The following KCNJ2 variants were observed in gnomAD, a reference collection of about 807,000 sequenced individuals.
KCNJ2 encodes the protein inward rectifier potassium channel 2.
In KCNJ2, 12 loss-of-function variants were observed where a neutral mutation model predicts 28.4. That is an observed-to-expected ratio of 0.42 (90% CI 0.27 to 0.68). The LOEUF is 0.68. Ranked by LOEUF, KCNJ2 falls within the 30% of genes least tolerant of loss-of-function variation. The pLI is 0.23. For missense variants in KCNJ2, 320 were observed against 551.3 expected (o/e 0.58, Z 4.20); for synonymous variants, 200 against 203.2 (o/e 0.98, Z 0.13).
chr17:70,175,154 A>G lies in KCNJ2; in HGVS notation c.115A>G (p.Thr39Ala). Residue 39 changes from threonine to alanine, a missense_variant, in exon 2 of 2, where the codon ACC (threonine) becomes GCC (alanine). Thr to Ala is a moderately conservative substitution (Grantham distance 58). Coordinates refer to ENST00000243457, the MANE Select transcript of KCNJ2 (RefSeq NM_000891.3). This position sits in a 1 kb window ranked among gnomAD's most constrained non-coding sequence, Gnocchi z 8.3. ...GFGNGKSKVH[T>A]RQQCRSRFVK... is the part of the protein sequence containing the mutation. ...TGGGAACGGGAAGAGTAAAGTCCAC[A>G]CCCGACAACAGTGCAGGAGCCGCTT... The G allele has an allele frequency of 6.2e-7, 1 of 1,614,134 alleles. No individual in the cohort carries two copies. Among genetic ancestry groups the G allele is most frequent in the Non-Finnish European group, 8.5e-7 (1 of 1,180,030 alleles).
In KCNJ2 at chr17:70,176,290, G is replaced by A; in HGVS notation, c.1251G>A (p.Glu417=). The A allele has an allele frequency of 1.9e-6, 3 of 1,614,122 alleles. 1 individual carries two copies. Among genetic ancestry groups the A allele is most frequent in the South Asian group, 2.2e-5 (2 of 91,090 alleles). ...ACAACCAGGCAAGTGTACCTCTAGAGCCCAGGCCCTTACGGCGAGAGTCGG... is the reference window on the plus strand; with the variant it reads ...ACAACCAGGCAAGTGTACCTCTAGAACCCAGGCCCTTACGGCGAGAGTCGG... ...DLHNQASVPL[E]PRPLRRESEI Residue 417 remains glutamate (E), a synonymous_variant, in exon 2 of 2, where the codon GAG becomes GAA. Coordinates refer to ENST00000243457, the MANE Select transcript of KCNJ2 (RefSeq NM_000891.3).
In KCNJ2 at chr17:70,178,151, A is replaced by G. The variant is rs1410784454; in HGVS notation, c.*1828A>G. 2.4e-5 allele frequency: 4 copies of G among 166,908 alleles called. No individual in the cohort carries two copies. Among genetic ancestry groups the G allele is most frequent in the African/African-American group, 9.7e-5 (4 of 41,404 alleles). 10.3% of individuals were successfully genotyped at this position (166,908 alleles called of 1,614,324 possible). ...TATTATATCTCTGTATGCCATTAAA[A>G]AACAGCTTGTTCTAGAATCATGTAT... is the stretch of plus-strand genomic sequence containing the variant. On this transcript the variant is annotated 3_prime_UTR_variant, in exon 2 of 2. Coordinates refer to ENST00000243457, the MANE Select transcript of KCNJ2 (RefSeq NM_000891.3).
At position 70,174,996 on chromosome 17, in the gene KCNJ2, G is replaced by T. The variant is rs746315186; in HGVS notation, c.-44G>T. On this transcript the variant is annotated 5_prime_UTR_variant, in exon 2 of 2. Coordinates refer to ENST00000243457, the MANE Select transcript of KCNJ2 (RefSeq NM_000891.3). Reference sequence around the variant, plus strand: ...CTCCAAAGCGTTTTGCAAAAACTCAGACTGTTTTCCAAAGCAGAAGCACTG... The same window carrying T: ...CTCCAAAGCGTTTTGCAAAAACTCATACTGTTTTCCAAAGCAGAAGCACTG... 10 of 1,603,690 alleles carry T rather than the reference G, an allele frequency of 6.2e-6. No individual in the cohort carries two copies. The Admixed American group carries it at 1.5e-4, about 24-fold the overall frequency.
At chr17:70,170,144 G>C (rs1471195961) in intron 1 of KCNJ2, among the ~76,000 whole-genome samples, 1 of 151,432 alleles carries the variant, frequency 6.6e-6, no homozygotes, top group Non-Finnish European at 1.5e-5. Context: ...TTGGGACTCA[G>C]CACTATTCTT....
intron 1 of KCNJ2, among the ~76,000 whole-genome samples, chr17:70,172,793 TCTC>T (rs2074372103): frequency 6.6e-6 from 1 of 152,212 alleles, no homozygotes; most frequent in Non-Finnish European, 1.5e-5. Context: ...ATGAAGTTCT[TCTC>T]CTTTTTTTGA....
intron 1 of KCNJ2, among the ~76,000 whole-genome samples, chr17:70,174,332 G>A (rs955170597): frequency 4.6e-5 from 7 of 152,148 alleles, no homozygotes; most frequent in Non-Finnish European, 7.3e-5. Context: ...TGCCATCAGG[G>A]ACTCTAATAT....
Position 70,176,340 on chromosome 17 carries a change from C to T in KCNJ2, c.*17C>T, listed in dbSNP as rs948297602. ...GAGATATGACTGACTGATTCCTTCT[C>T]TGGAATAGTTACTTTACAACACGGT... On this transcript the variant is annotated 3_prime_UTR_variant, in exon 2 of 2. Transcript: ENST00000243457. 4 of 1,607,340 alleles carry T rather than the reference C, an allele frequency of 2.5e-6. No individual in the cohort carries two copies. The highest frequency in any genetic ancestry group is 3.4e-6 in the Non-Finnish European group (4 of 1,173,814).
At position 70,179,409 on chromosome 17, in the gene KCNJ2, A is replaced by G. The variant is rs373948055; in HGVS notation, c.*3086A>G. On this transcript the variant is annotated 3_prime_UTR_variant, in exon 2 of 2. Transcript: ENST00000243457. ...TATCCTATTTTTAAACAAAATGTAG[A>G]CAAAGTGAACTCTATTTTGATTATT... The G allele has an allele frequency of 1.2e-5, 2 of 166,948 alleles. No homozygotes were observed. Among genetic ancestry groups the G allele is most frequent in the South Asian group, 2.1e-4 (1 of 4,832 alleles). 10.3% of individuals were successfully genotyped at this position (166,948 alleles called of 1,614,324 possible).
rs117417638 is a variant in KCNJ2 at position 70,172,043 on chromosome 17, C to T, written c.-217+2342C>T. Among the ~76,000 whole-genome samples, 185 of 151,824 alleles carry T rather than the reference C, an allele frequency of 1.2e-3. No homozygotes were observed. The East Asian group carries it at 0.016, about 13-fold the overall frequency. ...AATGATAGCTTTTCTCAGCTGCTCA[C>T]GAATTGGTAATTGCTAGTGAGAGGA... is the stretch of plus-strand genomic sequence containing the variant. On this transcript the variant is annotated intron_variant, in intron 1 of 1. Coordinates refer to ENST00000243457, the MANE Select transcript of KCNJ2 (RefSeq NM_000891.3).
rs776522922 is a variant in KCNJ2 at position 70,176,343 on chromosome 17, G to C, written c.*20G>C. 5 of 1,608,386 alleles carry C rather than the reference G, an allele frequency of 3.1e-6. No homozygotes were observed. Among genetic ancestry groups the C allele is most frequent in the Non-Finnish European group, 4.3e-6 (5 of 1,174,876 alleles). On this transcript the variant is annotated 3_prime_UTR_variant, in exon 2 of 2. Transcript: ENST00000243457. ...ATATGACTGACTGATTCCTTCTCTG[G>C]AATAGTTACTTTACAACACGGTCTG...
chr17:70,170,310 C>T (rs2074358542), intron 1 of KCNJ2, among the ~76,000 whole-genome samples: 1 of 152,148 alleles, frequency 6.6e-6, no homozygotes, highest in Non-Finnish European at 1.5e-5. Flanking sequence ...ACATATCACT[C>T]TCCCCTAACC....
rs786205818 is a variant in KCNJ2, at chr17:70,175,940, A to G, written c.901A>G (p.Met301Val). 6.2e-7 allele frequency: 1 copy of G among 1,614,168 alleles called. No individual in the cohort carries two copies. The highest frequency in any genetic ancestry group is 8.5e-7 in the Non-Finnish European group (1 of 1,180,034). The stretch of plus-strand genomic sequence containing the variant: ...TGAAATCGTGGTCATACTGGAAGGC[A>G]TGGTGGAAGCCACTGCCATGACGAC... ...DFEIVVILEG[M>V]VEATAMTTQC... Residue 301 changes from methionine (M) to valine (V), a missense_variant, in exon 2 of 2, where the codon ATG (methionine) becomes GTG (valine). Coordinates refer to ENST00000243457, the MANE Select transcript of KCNJ2 (RefSeq NM_000891.3). The surrounding 1 kb of genome is among the most constrained non-coding windows in gnomAD (Gnocchi z 8.3).
rs886053324 is a variant in KCNJ2, at chr17:70,176,445, G to A, written c.*122G>A. 29 of 839,200 alleles carry A rather than the reference G, an allele frequency of 3.5e-5. No individual in the cohort carries two copies. The highest frequency in any genetic ancestry group is 4.9e-5 in the Non-Finnish European group (24 of 489,958). 52.0% of individuals were successfully genotyped at this position (839,200 alleles called of 1,614,324 possible). The stretch of plus-strand genomic sequence containing the variant: ...GTCAAGCAAGCGGCCACAAGGGACT[G>A]AGGCAAGCACAATGGTTTCAAAGAA... On this transcript the variant is annotated 3_prime_UTR_variant, in exon 2 of 2. Coordinates refer to ENST00000243457, the MANE Select transcript of KCNJ2 (RefSeq NM_000891.3).
intron 1 of KCNJ2, among the ~76,000 whole-genome samples, chr17:70,172,389 A>G (rs146755108): frequency 2.0e-5 from 3 of 151,974 alleles, no homozygotes; most frequent in African/African-American, 7.2e-5. Flanking sequence ...AAATTTCTAA[A>G]TGATGCTCCA....
chr17:70,169,932 G>A (rs2074355803), intron 1 of KCNJ2, among the ~76,000 whole-genome samples: 1 of 152,176 alleles, frequency 6.6e-6, no homozygotes, highest in Admixed American at 6.5e-5. Context: ...TGGAACAGTT[G>A]AGCAATAGAA....
Position 70,176,203 on chromosome 17 carries a change from C to T in KCNJ2, c.1164C>T (p.Asp388=), listed in dbSNP as rs150855087. ...NEVALTSKEE[D]DSENGVPEST... ...TTGCCCTCACAAGCAAAGAGGAAGA[C>T]GACAGTGAAAATGGAGTTCCAGAAA... The change falls in exon 2 of 2, where the codon GAC becomes GAT. Residue 388 remains aspartate (D), a synonymous_variant. Transcript: ENST00000243457. The T allele has an allele frequency of 2.0e-5, 32 of 1,613,772 alleles. No individual in the cohort carries two copies. The highest frequency in any genetic ancestry group is 1.6e-4 in the Middle Eastern group (1 of 6,084).
intron 1 of KCNJ2, among the ~76,000 whole-genome samples, chr17:70,173,562 T>G (rs1305411776): frequency 1.3e-5 from 2 of 152,212 alleles, no homozygotes; most frequent in Non-Finnish European, 2.9e-5. Context: ...GGGAAATAGT[T>G]TCTTAGGAGT....
Position 70,175,246 on chromosome 17 carries a change from C to G in KCNJ2, c.207C>G (p.Leu69=), listed in dbSNP as rs1007358932. The G allele has an allele frequency of 6.2e-6, 10 of 1,614,042 alleles. No homozygotes were observed. The Admixed American group carries it at 1.2e-4, about 19-fold the overall frequency. The part of the protein sequence containing the change: ...INVGEKGQRY[L]ADIFTTCVDI... ...TGGGTGAGAAGGGGCAACGGTACCT[C>G]GCAGACATCTTCACCACGTGTGTGG... The change falls in exon 2 of 2, where the codon CTC becomes CTG. Residue 69 remains leucine, a synonymous_variant. Coordinates refer to ENST00000243457, the MANE Select transcript of KCNJ2 (RefSeq NM_000891.3). This position sits in a 1 kb window ranked among gnomAD's most constrained non-coding sequence, Gnocchi z 8.3.
intron 1 of KCNJ2, among the ~76,000 whole-genome samples, chr17:70,170,250 G>A (rs2074358175): frequency 6.6e-6 from 1 of 151,962 alleles, no homozygotes; most frequent in Non-Finnish European, 1.5e-5. Context: ...TGAAAGAAGA[G>A]CGGGAGCCCG....
Sources: gnomAD v4.1 joint callset for allele counts (sites outside exome capture counted in the v4.1 genomes callset) on GRCh38, gnomAD v4.1.1 for gene constraint, Gnocchi (gnomAD v3.1) non-coding constraint, MANE v1.5 for transcripts, NCBI Gene and HGNC (gene_info 2026-07-23, HGNC 2026-07-21) for gene names.